The following DENND2C variants were observed in gnomAD, a reference collection of about 807,000 sequenced individuals.
The protein encoded by DENND2C is DENN domain-containing protein 2C.
A neutral mutation model predicts 112.4 loss-of-function variants in DENND2C; 72 were observed. The observed-to-expected ratio is 0.64, with a 90% CI of 0.53 to 0.78. The LOEUF (loss-of-function observed/expected upper bound fraction) is 0.78. Ranked by LOEUF, DENND2C falls within the 30% of genes least tolerant of loss-of-function variation. The probability of loss-of-function intolerance (pLI) is 0.00; values close to 1 mark genes in which losing one functional copy is unlikely to be tolerated. For synonymous variants in DENND2C, 329 were observed against 381.6 expected (o/e 0.86, Z 1.61); for missense variants, 992 against 1,113.8 (o/e 0.89, Z 1.56).
intron 8 of DENND2C, among the ~76,000 whole-genome samples, chr1:114,612,427 C>G (rs998093005): frequency 9.9e-5 from 15 of 151,072 alleles, no homozygotes; most frequent in Non-Finnish European, 1.5e-4. Context: ...TCTTGGCTCA[C>G]TGCAACCTCT....
intron 3 of DENND2C, among the ~76,000 whole-genome samples, chr1:114,638,587 C>T (rs910039594): frequency 4.0e-5 from 6 of 151,552 alleles, no homozygotes; most frequent in South Asian, 2.1e-4. Flanking sequence ...AGTAAAACTC[C>T]GTCTCTACAA....
intron 7 of DENND2C, among the ~76,000 whole-genome samples, chr1:114,619,182 G>C (rs1266353489): frequency 6.6e-6 from 1 of 152,116 alleles, no homozygotes; most frequent in African/African-American, 2.4e-5. Flanking sequence ...AGATGTGTGT[G>C]TGTGTAAGAG....
intron 9 of DENND2C, 151 bp from the exon 10 acceptor site, chr1:114,609,024 T>C (rs1655739709): frequency 5.7e-6 from 5 of 872,894 alleles, no homozygotes; most frequent in Non-Finnish European, 7.0e-6. Context: ...GACATACCTG[T>C]TAAGGCTGTG....
intron 4 of DENND2C, among the ~76,000 whole-genome samples, 170 bp from the exon 5 acceptor site, chr1:114,623,813 G>T (rs766605458): frequency 6.6e-6 from 1 of 152,096 alleles, no homozygotes; most frequent in African/African-American, 2.4e-5. Flanking sequence ...TTGGCTCACT[G>T]AAACCTCTGC....
intron 14 of DENND2C, 111 bp from the exon 15 acceptor site, chr1:114,600,463 A>T: frequency 7.2e-7 from 1 of 1,393,262 alleles, no homozygotes; most frequent in Non-Finnish European, 9.8e-7. Flanking sequence ...AAGGTCTGCT[A>T]CACGGGGTCT....
chr1:114,615,019 A>C (rs1025361321), intron 8 of DENND2C, among the ~76,000 whole-genome samples: 1 of 152,188 alleles, frequency 6.6e-6, no homozygotes, highest in Non-Finnish European at 1.5e-5. Context: ...GTCTCAAAAA[A>C]AAAAAAACCT....
intron 8 of DENND2C, among the ~76,000 whole-genome samples, chr1:114,614,109 G>T (rs1173005391): frequency 6.6e-6 from 1 of 151,836 alleles, no homozygotes; most frequent in African/African-American, 2.4e-5. Flanking sequence ...GCATGAGCCT[G>T]TGGTCCCAGC....
intron 8 of DENND2C, among the ~76,000 whole-genome samples, chr1:114,615,416 C>T (rs567606625): frequency 6.6e-6 from 1 of 152,308 alleles, no homozygotes; most frequent in South Asian, 2.1e-4. Flanking sequence ...GAGCCATGCT[C>T]CTTGATTCAA....
At chr1:114,591,297 G>T (rs1318881279) in intron 18 of DENND2C, among the ~76,000 whole-genome samples, 1 of 151,992 alleles carries the variant, frequency 6.6e-6, no homozygotes, top group African/African-American at 2.4e-5. Flanking sequence ...AATATGGTGG[G>T]TATAAAAAAT....
At chr1:114,588,057 A>T in intron 18 of DENND2C, 105 bp from the exon 19 acceptor site, 3 of 939,610 alleles carry the variant, frequency 3.2e-6, no homozygotes, top group Non-Finnish European at 4.8e-6. Flanking sequence ...GTTATAGATT[A>T]AAGGACTGAG....
At chr1:114,623,988 G>A (rs1392889183) in intron 4 of DENND2C, among the ~76,000 whole-genome samples, 7 of 152,094 alleles carry the variant, frequency 4.6e-5, no homozygotes, top group African/African-American at 1.2e-4. Flanking sequence ...TGCCTGCCTC[G>A]GCCTCCCAAA....
intron 18 of DENND2C, among the ~76,000 whole-genome samples, chr1:114,591,887 A>T (rs1054717506): frequency 2.7e-5 from 4 of 149,402 alleles, no homozygotes; most frequent in South Asian, 4.2e-4. Flanking sequence ...TATTTTTATT[A>T]TTATTATTAT....
At chr1:114,645,214 T>G (rs1036958294) in intron 3 of DENND2C, among the ~76,000 whole-genome samples, 2 of 152,192 alleles carry the variant, frequency 1.3e-5, no homozygotes, top group Non-Finnish European at 2.9e-5. Flanking sequence ...AAAATTCATA[T>G]GTTGAAGTCC....
chr1:114,667,482 C>T (rs1657677487), intron 1 of DENND2C, among the ~76,000 whole-genome samples: 1 of 152,094 alleles, frequency 6.6e-6, no homozygotes, highest in African/African-American at 2.4e-5. Context: ...ATAAGCACCT[C>T]ATATTGTTAA....
chr1:114,637,179 G>T (rs1273246050), intron 3 of DENND2C, among the ~76,000 whole-genome samples: 1 of 151,224 alleles, frequency 6.6e-6, no homozygotes, highest in Non-Finnish European at 1.5e-5. Flanking sequence ...TGTTGCCCAG[G>T]CTGGTCTTGA....
chr1:114,657,409 T>A (rs1486357206), intron 1 of DENND2C, among the ~76,000 whole-genome samples: 1 of 152,228 alleles, frequency 6.6e-6, no homozygotes, highest in Non-Finnish European at 1.5e-5. Flanking sequence ...CAAGCGTAAG[T>A]CAGTTCTCAG....
intron 3 of DENND2C, among the ~76,000 whole-genome samples, chr1:114,626,447 T>C (rs111330229): frequency 1.6e-4 from 24 of 152,108 alleles, no homozygotes; most frequent in African/African-American, 4.3e-4. Context: ...TAAAGTTAGG[T>C]AGAATGAGGT....
intron 9 of DENND2C, among the ~76,000 whole-genome samples, chr1:114,610,341 T>C (rs1473881547): frequency 6.6e-6 from 1 of 152,214 alleles, no homozygotes; most frequent in Non-Finnish European, 1.5e-5. Flanking sequence ...AACAAATAGA[T>C]ATTTCCTTTT....
chr1:114,634,889 G>A (rs1656608869), intron 3 of DENND2C, among the ~76,000 whole-genome samples: 1 of 151,696 alleles, frequency 6.6e-6, no homozygotes, highest in African/African-American at 2.4e-5. Flanking sequence ...TTAGCCAGGC[G>A]AGGTGTCATG....
Sources: gnomAD v4.1 joint callset for allele counts (sites outside exome capture counted in the v4.1 genomes callset) on GRCh38, gnomAD v4.1.1 for gene constraint, MANE v1.5 for transcripts, NCBI Gene and HGNC (gene_info 2026-07-23, HGNC 2026-07-21) for gene names.